The following SMCO4 variants were observed in gnomAD, a reference collection of about 807,000 sequenced individuals.
The protein encoded by SMCO4 is single-pass membrane protein with coiled-coil domains 4.
A neutral mutation model predicts 3.6 loss-of-function variants in SMCO4; 4 were observed. The ratio of observed to expected loss-of-function variants is 1.11; its 90% CI spans 0.54 to 2.53. The LOEUF is 2.53. SMCO4 is among the 30% of genes most tolerant of loss of function. SMCO4 has a pLI of 0.02. For missense variants in SMCO4, 70 were observed against 80.8 expected (o/e 0.87, Z 0.51); for synonymous variants, 36 against 35.3 (o/e 1.02, Z -0.07).
intron 2 of SMCO4, among the ~76,000 whole-genome samples, chr11:93,492,377 G>A (rs943978913): frequency 1.3e-5 from 2 of 152,206 alleles, no homozygotes; most frequent in African/African-American, 2.4e-5. Context: ...AGGCAGACTC[G>A]ATGTGCTGGG....
intron 2 of SMCO4, among the ~76,000 whole-genome samples, chr11:93,487,528 T>C (rs568889121): frequency 1.1e-4 from 17 of 152,104 alleles, no homozygotes; most frequent in African/African-American, 4.1e-4. Context: ...AATAAGAAAA[T>C]GTTATTTGGC....
the SMCO4 span, among the ~76,000 whole-genome samples, chr11:93,552,550 C>G: frequency 6.6e-6 from 1 of 151,420 alleles, no homozygotes; most frequent in African/African-American, 2.4e-5. Flanking sequence ...CGGCTCACTG[C>G]AACCTCTGTC....
At chr11:93,500,743 A>T (rs1354300173) in intron 1 of SMCO4, among the ~76,000 whole-genome samples, 2 of 152,228 alleles carry the variant, frequency 1.3e-5, no homozygotes, top group East Asian at 3.8e-4. Context: ...CAGAGGAAAA[A>T]TATGACCTGA....
chr11:93,487,200 T>A (rs1220416428), intron 2 of SMCO4, among the ~76,000 whole-genome samples: 2 of 152,158 alleles, frequency 1.3e-5, no homozygotes, highest in Admixed American at 6.5e-5. Context: ...ATAACGGGCC[T>A]GTGATCACTT....
chr11:93,525,214 C>T (rs749499030), intron 1 of SMCO4, among the ~76,000 whole-genome samples: 1 of 152,194 alleles, frequency 6.6e-6, no homozygotes, highest in Admixed American at 6.5e-5. Flanking sequence ...GAAGATCTTA[C>T]GTTTGAATCT....
At chr11:93,518,130 C>T (rs1027169203) in intron 1 of SMCO4, among the ~76,000 whole-genome samples, 1 of 152,210 alleles carries the variant, frequency 6.6e-6, no homozygotes, top group Non-Finnish European at 1.5e-5. Flanking sequence ...CCCTGGAAAC[C>T]ATTACTTTGC....
chr11:93,549,407 GA>G, the SMCO4 span, among the ~76,000 whole-genome samples: 1 of 152,094 alleles, frequency 6.6e-6, no homozygotes, highest in African/African-American at 2.4e-5. Flanking sequence ...TGAATTCCCA[GA>G]AGCCAACATT....
chr11:93,487,689 G>A (rs1948667168), intron 2 of SMCO4, among the ~76,000 whole-genome samples: 1 of 152,140 alleles, frequency 6.6e-6, no homozygotes, highest in African/African-American at 2.4e-5. Context: ...GATTAATAAA[G>A]TGCTTTTCTG....
At chr11:93,549,825 G>A in the SMCO4 span, among the ~76,000 whole-genome samples, 2,015 of 152,168 alleles carry the variant, frequency 0.013, 48 homozygotes, top group African/African-American at 0.046. Context: ...TTAAGAAGCC[G>A]TAGAGCTTGA....
At chr11:93,540,513 C>T (rs1949263043) in intron 1 of SMCO4, among the ~76,000 whole-genome samples, 1 of 152,238 alleles carries the variant, frequency 6.6e-6, no homozygotes, top group Non-Finnish European at 1.5e-5. Context: ...TAAGAGTTTA[C>T]TTGTTGCTCT....
intron 1 of SMCO4, among the ~76,000 whole-genome samples, chr11:93,517,200 A>C (rs1167614228): frequency 6.6e-6 from 1 of 152,264 alleles, no homozygotes; most frequent in East Asian, 1.9e-4. Flanking sequence ...TGTGCTCAAC[A>C]CTGTCTCACA....
At chr11:93,515,174 T>A (rs1376223487) in intron 1 of SMCO4, among the ~76,000 whole-genome samples, 1 of 152,190 alleles carries the variant, frequency 6.6e-6, no homozygotes, top group African/African-American at 2.4e-5. Flanking sequence ...ATTCATTCAT[T>A]TCCTACAAAT....
chr11:93,499,077 GA>G (rs1167020238), intron 2 of SMCO4, among the ~76,000 whole-genome samples, 198 bp downstream of exon 2: 3 of 152,082 alleles, frequency 2.0e-5, no homozygotes, highest in Admixed American at 6.5e-5. Context: ...AACAGCAGGA[GA>G]AATCACCCGC....
intron 2 of SMCO4, among the ~76,000 whole-genome samples, chr11:93,490,613 GC>G (rs1444360220): frequency 6.6e-6 from 1 of 152,250 alleles, no homozygotes; most frequent in Non-Finnish European, 1.5e-5. Context: ...AGTCAAGGCT[GC>G]CTCTCGCAGA....
chr11:93,524,703 G>T (rs1949089170), intron 1 of SMCO4, among the ~76,000 whole-genome samples: 1 of 152,166 alleles, frequency 6.6e-6, no homozygotes, highest in Admixed American at 6.5e-5. Context: ...CCTCCAAAAT[G>T]CAGGGAAGGC....
At chr11:93,535,542 G>A in intron 1 of SMCO4, 1 of 1,430,280 alleles carries the variant, frequency 7.0e-7, no homozygotes, top group South Asian at 1.1e-5. Context: ...ACATCAGGCA[G>A]CATCATATCA....
At chr11:93,538,081 G>A (rs1229378708) in intron 1 of SMCO4, among the ~76,000 whole-genome samples, 5 of 152,184 alleles carry the variant, frequency 3.3e-5, no homozygotes, top group African/African-American at 1.2e-4. Context: ...TAGGGGAAAG[G>A]GCACAAAACC....
chr11:93,514,956 G>A (rs762230528), intron 1 of SMCO4, among the ~76,000 whole-genome samples: 7 of 152,100 alleles, frequency 4.6e-5, no homozygotes, highest in Non-Finnish European at 8.8e-5. Context: ...ATTCAACACT[G>A]GCATTCAAAC....
At chr11:93,486,546 A>T (rs1389900347) in intron 2 of SMCO4, among the ~76,000 whole-genome samples, 1 of 152,202 alleles carries the variant, frequency 6.6e-6, no homozygotes, top group African/African-American at 2.4e-5. Flanking sequence ...CTGGGCAGTC[A>T]TTCTGGGTTA....
Sources: gnomAD v4.1 joint callset for allele counts (sites outside exome capture counted in the v4.1 genomes callset) on GRCh38, gnomAD v4.1.1 for gene constraint, MANE v1.5 for transcripts, NCBI Gene and HGNC (gene_info 2026-07-23, HGNC 2026-07-21) for gene names.